Variants in CLEC16A observed in about 807,000 individuals in gnomAD.
The protein encoded by CLEC16A is protein CLEC16A.
Under a neutral mutation model 109.5 loss-of-function variants are expected in CLEC16A, and 51 were observed. The observed-to-expected ratio is 0.47, with a 90% CI of 0.37 to 0.59. The LOEUF is 0.59. Among genes scored for constraint, CLEC16A ranks in the 20% least tolerant of loss-of-function variants. The pLI, the probability that CLEC16A is intolerant of heterozygous loss-of-function variation, is 0.00. For missense variants in CLEC16A, 1,339 were observed against 1,394.0 expected, an observed-to-expected ratio of 0.96 and a Z score of 0.63; for synonymous variants, 673 against 564.2, an observed-to-expected ratio of 1.19 and a Z score of -2.73.
At chr16:11,042,497 G>A (rs2152855881) in intron 15 of CLEC16A, 134 bp downstream of exon 15, 3 of 628,490 alleles carry the variant, frequency 4.8e-6, no homozygotes, top group South Asian at 4.1e-5. Flanking sequence ...AGCAGGGGCT[G>A]CTCTCTTGAG....
chr16:11,124,507 G>A (rs2052657326), intron 21 of CLEC16A, among the ~76,000 whole-genome samples: 1 of 152,196 alleles, frequency 6.6e-6, no homozygotes, highest in African/African-American at 2.4e-5. Context: ...CATTTCACGG[G>A]GATTGCGGTG....
intron 23 of CLEC16A, among the ~76,000 whole-genome samples, chr16:11,168,569 G>T (rs183633199): frequency 6.6e-6 from 1 of 152,300 alleles, no homozygotes; most frequent in African/African-American, 2.4e-5. Context: ...GGCAGCCTGG[G>T]CTTTACTCTT....
At chr16:11,173,890 C>T (rs186368751) in intron 23 of CLEC16A, among the ~76,000 whole-genome samples, 112 of 152,278 alleles carry the variant, frequency 7.4e-4, no homozygotes, top group Admixed American at 2.3e-3. Flanking sequence ...GCCCCTAACC[C>T]GGTTAAGTTG....
rs770762293 is a variant in CLEC16A, at chr16:11,003,265, G to C, written c.1263G>C (p.Glu421Asp). 3.1e-6 allele frequency: 5 copies of C among 1,612,674 alleles called. No individual in the cohort carries two copies. Among genetic ancestry groups the C allele is most frequent in the Non-Finnish European group, 1.7e-6 (2 of 1,179,750 alleles). The change falls in exon 11 of 24, where the codon GAG becomes GAC. Residue 421 changes from glutamate (E) to aspartate (D), a missense_variant. This residue lies in a region of CLEC16A where 1,061 missense variants were observed against 1,006.8 expected (regional missense o/e 1.05). Transcript: ENST00000409790. Reference protein sequence around the residue: ...QEDAEKAKGTEGGSKGIKTSG... With the variant: ...QEDAEKAKGTDGGSKGIKTSG... ...ACGCCGAGAAGGCTAAAGGTACAGA[G>C]GGTGGTTCAAAAGGCATCAAGACGA...
intron 14 of CLEC16A, chr16:11,040,163 C>T: frequency 2.6e-6 from 1 of 382,458 alleles, no homozygotes; most frequent in Non-Finnish European, 4.7e-6. Context: ...AATGTTTTCG[C>T]CCCCACCCCG....
At chr16:11,142,873 C>A (rs1298975134) in intron 22 of CLEC16A, among the ~76,000 whole-genome samples, 11 of 152,184 alleles carry the variant, frequency 7.2e-5, no homozygotes, top group Non-Finnish European at 1.5e-5. Context: ...TGCAGTGGCA[C>A]AATCTCAGCT....
intron 18 of CLEC16A, among the ~76,000 whole-genome samples, chr16:11,058,352 C>T (rs1289657110): frequency 6.6e-6 from 1 of 152,208 alleles, no homozygotes; most frequent in East Asian, 1.9e-4. Context: ...CTTATATAAA[C>T]GGCGTAGTGT....
chr16:11,093,643 G>A (rs1471351652), intron 19 of CLEC16A, among the ~76,000 whole-genome samples: 1 of 152,184 alleles, frequency 6.6e-6, no homozygotes, highest in African/African-American at 2.4e-5. Context: ...GCCAGGCGCC[G>A]AGGGTGGGCA....
At chr16:11,126,627 C>T in intron 22 of CLEC16A, 1 of 280,098 alleles carries the variant, frequency 3.6e-6, no homozygotes, top group Non-Finnish European at 6.7e-6. Context: ...TTTGCCACAG[C>T]TCATCTCTAA....
intron 11 of CLEC16A, among the ~76,000 whole-genome samples, chr16:11,010,241 T>G (rs1387449537): frequency 6.6e-6 from 1 of 152,162 alleles, no homozygotes; most frequent in Non-Finnish European, 1.5e-5. Flanking sequence ...CCTGCATATT[T>G]GCTGTGACAG....
At chr16:11,007,148 A>G (rs1156752626) in intron 11 of CLEC16A, among the ~76,000 whole-genome samples, 1 of 152,114 alleles carries the variant, frequency 6.6e-6, no homozygotes, top group African/African-American at 2.4e-5. Context: ...GGGCTGGACT[A>G]CTGTTTTTTT....
intron 19 of CLEC16A, among the ~76,000 whole-genome samples, chr16:11,112,269 C>T (rs973754557): frequency 3.9e-5 from 6 of 152,142 alleles, no homozygotes; most frequent in Non-Finnish European, 8.8e-5. Flanking sequence ...ACAGGAGACA[C>T]TTATTATCCA....
rs774316599 is a variant in CLEC16A at position 11,042,235 on chromosome 16, A to G, written c.1661-19A>G. 3 of 1,558,630 alleles carry G rather than the reference A, an allele frequency of 1.9e-6. No homozygotes were observed. Among genetic ancestry groups the G allele is most frequent in the South Asian group, 2.4e-5 (2 of 84,538 alleles). ...GCCCCACCCTGGGTGTGCAAGGCTT[A>G]CCCTGGTGTGCTCTGCAGATGGGAA... On this transcript the variant is annotated intron_variant, in intron 14 of 23. Coordinates refer to ENST00000409790, the MANE Select transcript of CLEC16A (RefSeq NM_015226.3).
intron 19 of CLEC16A, among the ~76,000 whole-genome samples, chr16:11,075,698 A>C (rs1455767169): frequency 6.6e-6 from 1 of 151,918 alleles, no homozygotes; most frequent in Non-Finnish European, 1.5e-5. Flanking sequence ...CAGCCTCCCA[A>C]AGTGCTGGGA....
chr16:11,039,777 C>G lies in CLEC16A; in HGVS notation c.1561C>G (p.Arg521Gly), dbSNP rs781624773. 11 of 1,603,214 alleles carry G rather than the reference C, an allele frequency of 6.9e-6. No individual in the cohort carries two copies. Among genetic ancestry groups the G allele is most frequent in the Middle Eastern group, 1.6e-4 (1 of 6,078 alleles). ...NKGMDPEKLE[R>G]IQLPVPNAAE... is the part of the protein sequence containing the mutation. ...AGGCATGGATCCTGAAAAATTAGAGCGAATCCAGCTCCCCGTGCCAAATGC... is the reference window on the plus strand; with the variant it reads ...AGGCATGGATCCTGAAAAATTAGAGGGAATCCAGCTCCCCGTGCCAAATGC... Residue 521 changes from arginine to glycine, a missense_variant, in exon 14 of 24, where the codon CGA becomes GGA. Arg to Gly is a moderately radical substitution (Grantham distance 125). Coordinates refer to ENST00000409790, the MANE Select transcript of CLEC16A (RefSeq NM_015226.3).
chr16:10,982,148 T>C (rs1382340951), intron 9 of CLEC16A, among the ~76,000 whole-genome samples: 1 of 152,236 alleles, frequency 6.6e-6, no homozygotes, highest in Non-Finnish European at 1.5e-5. Flanking sequence ...ATAGCAGGCA[T>C]GTCTAGGCCA....
intron 11 of CLEC16A, among the ~76,000 whole-genome samples, chr16:11,015,207 C>T (rs2045670187): frequency 1.3e-5 from 2 of 152,188 alleles, no homozygotes; most frequent in Admixed American, 1.3e-4. Context: ...TACAGCTGTG[C>T]TAGCTGGATG....
At chr16:11,084,537 G>A (rs564199053) in intron 19 of CLEC16A, among the ~76,000 whole-genome samples, 2 of 152,218 alleles carry the variant, frequency 1.3e-5, no homozygotes, top group Admixed American at 1.3e-4. Context: ...ATGACTCCAG[G>A]GCCCTAGAGG....
At chr16:11,139,763 G>A (rs2053737283) in intron 22 of CLEC16A, among the ~76,000 whole-genome samples, 2 of 152,230 alleles carry the variant, frequency 1.3e-5, no homozygotes, top group South Asian at 4.1e-4. Flanking sequence ...GGACTGTGAA[G>A]TGCAGTGACT....
Sources: gnomAD v4.1 joint callset for allele counts (sites outside exome capture counted in the v4.1 genomes callset) on GRCh38, gnomAD v4.1.1 for gene constraint, gnomAD v4.1.1 regional missense constraint, MANE v1.5 for transcripts, NCBI Gene and HGNC (gene_info 2026-07-23, HGNC 2026-07-21) for gene names.